The following TRIO variants were observed in gnomAD, a reference collection of about 807,000 sequenced individuals.
TRIO encodes triple functional domain protein.
Under a neutral mutation model 351.9 loss-of-function variants are expected in TRIO, and 58 were observed. That is an observed-to-expected ratio of 0.16 (90% CI 0.13 to 0.21). The LOEUF is 0.21. TRIO is among the 10% of genes least tolerant of loss of function. TRIO has a pLI of 1.00. For missense variants in TRIO, 3,201 were observed against 4,027.8 expected (o/e 0.79, Z 5.56); for synonymous variants, 1,758 against 1,595.7 (o/e 1.10, Z -2.42).
intron 1 of TRIO, among the ~76,000 whole-genome samples, chr5:14,192,695 G>C (rs1561185843): frequency 6.6e-6 from 1 of 152,184 alleles, no homozygotes; most frequent in Non-Finnish European, 1.5e-5. Flanking sequence ...AGAGAGGAAG[G>C]TCTGCTTAAT....
At chr5:14,438,921 A>T (rs1751808796) in intron 34 of TRIO, among the ~76,000 whole-genome samples, 1 of 152,154 alleles carries the variant, frequency 6.6e-6, no homozygotes, top group Non-Finnish European at 1.5e-5. Flanking sequence ...CACCTACATG[A>T]CTGGAAGGAG....
chr5:14,234,186 T>G (rs1206922534), intron 1 of TRIO, among the ~76,000 whole-genome samples: 1 of 152,230 alleles, frequency 6.6e-6, no homozygotes, highest in East Asian at 1.9e-4. Context: ...AAAGACGATG[T>G]TGACTACTTT....
At chr5:14,444,210 A>G (rs1246864753) in intron 34 of TRIO, among the ~76,000 whole-genome samples, 1 of 152,238 alleles carries the variant, frequency 6.6e-6, no homozygotes, top group Non-Finnish European at 1.5e-5. Flanking sequence ...TGCTGAAGAA[A>G]TACATAATAT....
rs61513660 is a variant in TRIO, at chr5:14,457,373, T to TCCCCCCCCCCCCCCC, written c.5204-3632_5204-3631insCCCCCCCCCCCCCCC. On this transcript the variant is annotated intron_variant, in intron 34 of 56. Coordinates refer to ENST00000344204, the MANE Select transcript of TRIO (RefSeq NM_007118.4). ...GCTCCCACCTTGGGCAGCCCTGACC[T>TCCCCCCCCCCCCCCC]CCCCCCCCCCCCCCGCCCCGCCCCC... Among the ~76,000 whole-genome samples, 16 of 48,964 alleles carry TCCCCCCCCCCCCCCC rather than the reference T, an allele frequency of 3.3e-4. 5 individuals are homozygous for TCCCCCCCCCCCCCCC. The highest frequency in any genetic ancestry group is 2.0e-3 in the East Asian group (2 of 978). The allele number at this position is 48,964 out of a possible 152,430, so 32.1% of individuals were successfully genotyped here.
At chr5:14,465,746 T>G (rs1754207248) in intron 37 of TRIO, 106 bp downstream of exon 37, 11 of 1,277,114 alleles carry the variant, frequency 8.6e-6, no homozygotes, top group Non-Finnish European at 1.0e-5. Flanking sequence ...AGAATGTGGC[T>G]GTGGCTTATG....
chr5:14,387,562 C>G lies in TRIO; in HGVS notation c.3695C>G (p.Ser1232Cys). ...TAVDKRYRDF[S>C]LRMEKYRTSL... is the part of the protein sequence containing the mutation. ...GTGGATAAGAGGTACAGAGATTTCT[C>G]TCTGCGGATGGAGAAGTACAGGACC... Residue 1232 changes from serine (S) to cysteine (C), a missense_variant, in exon 22 of 57, where the codon TCT (serine) becomes TGT (cysteine). Ser to Cys is a moderately radical substitution (Grantham distance 112, BLOSUM62 -1). Coordinates refer to ENST00000344204, the MANE Select transcript of TRIO (RefSeq NM_007118.4). The G allele has an allele frequency of 6.2e-7, 1 of 1,614,252 alleles. No homozygotes were observed. Among genetic ancestry groups the G allele is most frequent in the Non-Finnish European group, 8.5e-7 (1 of 1,180,040 alleles).
chr5:14,369,783 C>T (rs1329758489), intron 18 of TRIO, among the ~76,000 whole-genome samples: 1 of 152,216 alleles, frequency 6.6e-6, no homozygotes, highest in African/African-American at 2.4e-5. Context: ...GGTTGGAAGT[C>T]ACAATACCAG....
intron 1 of TRIO, among the ~76,000 whole-genome samples, chr5:14,167,096 C>T (rs1788813026): frequency 6.6e-6 from 1 of 151,376 alleles, no homozygotes; most frequent in Non-Finnish European, 1.5e-5. Flanking sequence ...TGGGTTTGAT[C>T]AGTCAATGGA....
intron 20 of TRIO, 98 bp from the exon 21 acceptor site, chr5:14,381,032 T>G (rs111495026): frequency 3.5e-6 from 5 of 1,436,656 alleles, no homozygotes; most frequent in Non-Finnish European, 4.6e-6. Context: ...GCTGCCAGCC[T>G]TGGTTTGTGA....
chr5:14,186,784 G>T (rs1163644595), intron 1 of TRIO, among the ~76,000 whole-genome samples: 1 of 151,992 alleles, frequency 6.6e-6, no homozygotes, highest in East Asian at 1.9e-4. Flanking sequence ...CACCATGTTG[G>T]CCAGGCTGGT....
chr5:14,315,424 TG>T (rs1355209019), intron 8 of TRIO, among the ~76,000 whole-genome samples: 2 of 152,108 alleles, frequency 1.3e-5, no homozygotes, highest in African/African-American at 4.8e-5. Flanking sequence ...AGCTAATTTT[TG>T]TATTTTTAGT....
chr5:14,219,663 G>A (rs1318782688), intron 1 of TRIO, among the ~76,000 whole-genome samples: 1 of 152,162 alleles, frequency 6.6e-6, no homozygotes, highest in Non-Finnish European at 1.5e-5. Flanking sequence ...CTGCATTAGT[G>A]TCACCTGGAA....
intron 34 of TRIO, 169 bp downstream of exon 34, chr5:14,420,190 A>G: frequency 2.0e-6 from 2 of 1,002,870 alleles, no homozygotes; most frequent in South Asian, 3.4e-5. Context: ...GCACCTGAAG[A>G]GGAAATGAGG....
At chr5:14,276,958 C>G (rs953705435) in intron 2 of TRIO, among the ~76,000 whole-genome samples, 5 of 152,178 alleles carry the variant, frequency 3.3e-5, no homozygotes. Context: ...AGCCTTCTTT[C>G]TATTATTAAA....
chr5:14,476,719 A>G (rs1420808002), intron 40 of TRIO, among the ~76,000 whole-genome samples, 175 bp from the exon 41 acceptor site: 1 of 151,894 alleles, frequency 6.6e-6, no homozygotes, highest in Non-Finnish European at 1.5e-5. Flanking sequence ...GCTTGAACCC[A>G]GGAGGCGGAG....
intron 34 of TRIO, among the ~76,000 whole-genome samples, chr5:14,456,247 T>C (rs1018438456): frequency 6.6e-6 from 1 of 152,232 alleles, no homozygotes; most frequent in African/African-American, 2.4e-5. Context: ...AGTTCCCGCC[T>C]GCACCTCTCC....
chr5:14,324,221 T>C (rs929460352), intron 9 of TRIO, among the ~76,000 whole-genome samples: 1 of 152,340 alleles, frequency 6.6e-6, no homozygotes, highest in South Asian at 2.1e-4. Flanking sequence ...AATCTGACTT[T>C]GTATAAAAAA....
At chr5:14,242,009 G>A (rs751164810) in intron 1 of TRIO, among the ~76,000 whole-genome samples, 1 of 152,120 alleles carries the variant, frequency 6.6e-6, no homozygotes, top group Non-Finnish European at 1.5e-5. Flanking sequence ...GCCATGTGCC[G>A]GGCACTGGTC....
intron 3 of TRIO, among the ~76,000 whole-genome samples, chr5:14,281,502 G>A (rs967601096): frequency 7.0e-6 from 1 of 142,506 alleles, no homozygotes; most frequent in African/African-American, 2.6e-5. Flanking sequence ...TTCAACATGA[G>A]ATTTGGGTGG....
Sources: gnomAD v4.1 joint callset for allele counts (sites outside exome capture counted in the v4.1 genomes callset) on GRCh38, gnomAD v4.1.1 for gene constraint, MANE v1.5 for transcripts, NCBI Gene and HGNC (gene_info 2026-07-23, HGNC 2026-07-21) for gene names.